Variants in WWOX observed in about 807,000 individuals in gnomAD.
WWOX encodes WW domain-containing oxidoreductase.
WWOX carries 69 observed loss-of-function variants against 46.2 expected under a neutral mutation model. That is an observed-to-expected ratio of 1.49 (90% CI 1.23 to 1.82). WWOX has a LOEUF of 1.82. Among genes scored for constraint, WWOX ranks in the 40% most tolerant of loss-of-function variants. The probability of loss-of-function intolerance (pLI) is 0.00; values close to 1 mark genes in which losing one functional copy is unlikely to be tolerated. For missense variants in WWOX, 919 were observed against 542.6 expected (o/e 1.69, Z -6.89); for synonymous variants, 359 against 202.6 (o/e 1.77, Z -6.56).
intron 5 of WWOX, among the ~76,000 whole-genome samples, chr16:78,245,582 G>T (rs1035269931): frequency 3.3e-5 from 5 of 152,122 alleles, no homozygotes; most frequent in African/African-American, 4.8e-5. Flanking sequence ...TATTCTAGAT[G>T]GGCCAAATAA....
intron 8 of WWOX, among the ~76,000 whole-genome samples, chr16:78,436,980 G>C (rs1011053798): frequency 2.6e-5 from 4 of 152,208 alleles, no homozygotes; most frequent in Non-Finnish European, 5.9e-5. Context: ...TTGTGATTGA[G>C]AAGCTTAGCA....
chr16:78,236,704 CAT>C (rs2037449994), intron 5 of WWOX, among the ~76,000 whole-genome samples: 1 of 152,134 alleles, frequency 6.6e-6, no homozygotes, highest in Admixed American at 6.5e-5. Context: ...CATAGTTAAA[CAT>C]GTGCTGAAAT....
intron 8 of WWOX, among the ~76,000 whole-genome samples, chr16:78,923,247 C>T (rs182843316): frequency 6.6e-6 from 1 of 152,148 alleles, no homozygotes; most frequent in African/African-American, 2.4e-5. Context: ...TCCCAAAGCA[C>T]TGGGATTACA....
At chr16:78,388,727 T>G (rs1252028142) in intron 6 of WWOX, among the ~76,000 whole-genome samples, 1 of 150,526 alleles carries the variant, frequency 6.6e-6, no homozygotes, top group Non-Finnish European at 1.5e-5. Context: ...CCCAGCACTT[T>G]GTGAGGCCGA....
At chr16:78,649,906 C>A (rs1342867948) in intron 8 of WWOX, among the ~76,000 whole-genome samples, 1 of 152,214 alleles carries the variant, frequency 6.6e-6, no homozygotes, top group Non-Finnish European at 1.5e-5. Context: ...GGATCCAAAT[C>A]TGTGTCTGTG....
chr16:78,976,295 T>G (rs1013837073), intron 8 of WWOX, among the ~76,000 whole-genome samples: 1 of 152,258 alleles, frequency 6.6e-6, no homozygotes, highest in Non-Finnish European at 1.5e-5. Context: ...TTTCTGATCT[T>G]TATTTCTTAC....
At chr16:78,728,994 G>A (rs1343644589) in intron 8 of WWOX, among the ~76,000 whole-genome samples, 1 of 152,110 alleles carries the variant, frequency 6.6e-6, no homozygotes, top group Non-Finnish European at 1.5e-5. Context: ...TAGTAAAAGT[G>A]TAGTGGTTTG....
intron 8 of WWOX, among the ~76,000 whole-genome samples, chr16:78,632,780 A>T (rs1308995037): frequency 6.6e-6 from 1 of 150,622 alleles, no homozygotes; most frequent in African/African-American, 2.4e-5. Flanking sequence ...CTGGTCTCGA[A>T]CTCCTGACCT....
chr16:78,583,466 A>T (rs1042408388), intron 8 of WWOX, among the ~76,000 whole-genome samples: 1 of 152,038 alleles, frequency 6.6e-6, no homozygotes, highest in Non-Finnish European at 1.5e-5. Context: ...ATTAAGAAGA[A>T]TTCTTTTTCT....
intron 8 of WWOX, among the ~76,000 whole-genome samples, chr16:79,109,232 T>C (rs369338346): frequency 1.3e-5 from 2 of 152,180 alleles, no homozygotes; most frequent in African/African-American, 2.4e-5. Context: ...TTTGCCGCTG[T>C]CCTCCTAATC....
chr16:78,902,933 C>A (rs544748997), intron 8 of WWOX, among the ~76,000 whole-genome samples: 1 of 152,138 alleles, frequency 6.6e-6, no homozygotes, highest in Non-Finnish European at 1.5e-5. Context: ...GCAAGGGAGT[C>A]GCGGCTGAGT....
At chr16:78,588,150 C>G (rs1055487875) in intron 8 of WWOX, among the ~76,000 whole-genome samples, 6 of 152,076 alleles carry the variant, frequency 3.9e-5, no homozygotes, top group African/African-American at 1.2e-4. Context: ...TATTGGCAAG[C>G]TAATTGGATA....
At position 78,343,356 on chromosome 16, in the gene WWOX, G is replaced by A. The variant is rs552754251; in HGVS notation, c.517-43504G>A. ...TGCTTCTAGGCACATTAAACGGTCAGTGCACAGGTCCTCATTTTTCTCATG... is the reference window on the plus strand; with the variant it reads ...TGCTTCTAGGCACATTAAACGGTCAATGCACAGGTCCTCATTTTTCTCATG... On this transcript the variant is annotated intron_variant, in intron 5 of 8. Coordinates refer to ENST00000566780, the MANE Select transcript of WWOX (RefSeq NM_016373.4). Among the ~76,000 whole-genome samples the A allele has an allele frequency of 7.4e-5, 9 of 121,390 alleles. 3 individuals carry two copies. The highest frequency in any genetic ancestry group is 2.5e-4 in the African/African-American group (9 of 35,810). The allele number at this position is 121,390 out of a possible 152,430, so 79.6% of individuals were successfully genotyped here. A position where few individuals can be genotyped will look rare whatever the true frequency, so the allele number is the denominator to read the frequency against.
intron 8 of WWOX, among the ~76,000 whole-genome samples, chr16:78,492,098 C>G (rs773227163): frequency 2.6e-5 from 4 of 152,072 alleles, no homozygotes; most frequent in Non-Finnish European, 4.4e-5. Context: ...TCTCAGATTC[C>G]CAGCCAACTG....
At chr16:78,291,719 A>C (rs980554627) in intron 5 of WWOX, among the ~76,000 whole-genome samples, 1 of 151,894 alleles carries the variant, frequency 6.6e-6, no homozygotes, top group Non-Finnish European at 1.5e-5. Flanking sequence ...GTAAAAAATA[A>C]ATAAAAAAAA....
intron 8 of WWOX, among the ~76,000 whole-genome samples, chr16:78,591,692 C>A (rs1424067929): frequency 6.6e-6 from 1 of 152,212 alleles, no homozygotes; most frequent in Admixed American, 6.5e-5. Flanking sequence ...TTTCCTGTTA[C>A]AGGGAGAAAA....
At chr16:78,249,413 T>C (rs914320098) in intron 5 of WWOX, among the ~76,000 whole-genome samples, 1 of 152,232 alleles carries the variant, frequency 6.6e-6, no homozygotes, top group Non-Finnish European at 1.5e-5. Context: ...TGATAGTAGC[T>C]ACCTCCAGTG....
chr16:78,151,487 A>T (rs1245428619), intron 4 of WWOX, among the ~76,000 whole-genome samples: 1 of 152,194 alleles, frequency 6.6e-6, no homozygotes, highest in Non-Finnish European at 1.5e-5. Context: ...TGTTTCATAA[A>T]GCACATGGCG....
chr16:78,275,994 C>T (rs2079570272), intron 5 of WWOX, among the ~76,000 whole-genome samples: 1 of 152,174 alleles, frequency 6.6e-6, no homozygotes, highest in South Asian at 2.1e-4. Flanking sequence ...CCCAAACTTC[C>T]TGGGCTTCAT....
Sources: gnomAD v4.1 joint callset for allele counts (sites outside exome capture counted in the v4.1 genomes callset) on GRCh38, gnomAD v4.1.1 for gene constraint, MANE v1.5 for transcripts, NCBI Gene and HGNC (gene_info 2026-07-23, HGNC 2026-07-21) for gene names.